RASSF3: variants seen among roughly 807,000 people sequenced by gnomAD.
RASSF3 encodes ras association domain-containing protein 3.
A neutral mutation model predicts 19.9 loss-of-function variants in RASSF3; 19 were observed. The ratio of observed to expected loss-of-function variants is 0.96; its 90% CI spans 0.67 to 1.40. The LOEUF (loss-of-function observed/expected upper bound fraction) is 1.40. Ranked by LOEUF, RASSF3 falls within the 40% of genes most tolerant of loss-of-function variation. RASSF3 has a pLI of 0.00. For synonymous variants in RASSF3, 110 were observed against 104.2 expected (o/e 1.06, Z -0.34); for missense variants, 306 against 289.8 (o/e 1.06, Z -0.41).
chr12:64,571,217 A>G (rs1592404285), intron 2 of RASSF3, among the ~76,000 whole-genome samples: 1 of 152,142 alleles, frequency 6.6e-6, no homozygotes, highest in Non-Finnish European at 1.5e-5. Context: ...ATCTCAAAAA[A>G]ATAAAAATAA....
Position 64,684,887 on chromosome 12 carries a change from T to A in RASSF3, c.212T>A (p.Met71Lys). Residue 71 changes from methionine to lysine, a missense_variant, in exon 2 of 5, where the codon ATG becomes AAG. Met to Lys is a moderately conservative substitution (Grantham distance 95). Transcript: ENST00000542104. ...TTAGCAGTCACAGACAAGTTGAAGATGACCTTGGTAAGCACTCAAAATACT... is the reference window on the plus strand; with the variant it reads ...TTAGCAGTCACAGACAAGTTGAAGAAGACCTTGGTAAGCACTCAAAATACT... ...YNLAVTDKLK[M>K]TLNSNGIYTG... The A allele has an allele frequency of 6.2e-7, 1 of 1,600,632 alleles. No individual in the cohort carries two copies. The highest frequency in any genetic ancestry group is 1.1e-5 in the South Asian group (1 of 90,818).
chr12:64,519,424 T>C (rs189172441), intron 1 of RASSF3, among the ~76,000 whole-genome samples: 5 of 152,082 alleles, frequency 3.3e-5, no homozygotes, highest in East Asian at 1.9e-4. Flanking sequence ...TATATATATA[T>C]ACACTTTTAG....
intron 1 of RASSF3, chr12:64,611,631 C>G (rs955677014): frequency 6.6e-6 from 1 of 152,252 alleles, no homozygotes; most frequent in Non-Finnish European, 1.5e-5. Flanking sequence ...CGGCCACGCT[C>G]ACATCAGATT....
chr12:64,623,685 C>G (rs1024511100), intron 1 of RASSF3, among the ~76,000 whole-genome samples: 2 of 152,116 alleles, frequency 1.3e-5, no homozygotes, highest in Non-Finnish European at 2.9e-5. Flanking sequence ...CTCTGTCACC[C>G]AGGCTGGAGT....
chr12:64,678,510 C>T (rs904800624), intron 1 of RASSF3, among the ~76,000 whole-genome samples: 3 of 152,172 alleles, frequency 2.0e-5, no homozygotes, highest in African/African-American at 7.2e-5. Context: ...TACTGAGTGT[C>T]ATGCCACTGG....
chr12:64,582,642 G>T (rs1336456436), intron 2 of RASSF3, among the ~76,000 whole-genome samples: 1 of 152,118 alleles, frequency 6.6e-6, no homozygotes, highest in Non-Finnish European at 1.5e-5. Flanking sequence ...AAGGAAAGAA[G>T]TTGTGGAGTT....
intron 1 of RASSF3, among the ~76,000 whole-genome samples, chr12:64,618,518 G>A (rs757916116): frequency 3.9e-5 from 6 of 151,992 alleles, no homozygotes; most frequent in Non-Finnish European, 7.4e-5. Context: ...AAGTAGAGAC[G>A]GGGTTATACC....
At chr12:64,633,624 G>A (rs1166871621) in intron 1 of RASSF3, among the ~76,000 whole-genome samples, 1 of 152,084 alleles carries the variant, frequency 6.6e-6, no homozygotes, top group Non-Finnish European at 1.5e-5. Flanking sequence ...AAATTACCTA[G>A]CCTCAGATAC....
chr12:64,689,804 T>TTTTTTTTTTTTTTTTTG (rs11272662), intron 3 of RASSF3, among the ~76,000 whole-genome samples: 1 of 146,316 alleles, frequency 6.8e-6, no homozygotes, highest in African/African-American at 2.5e-5. Context: ...TTTTTTTTTT[T>TTTTTTTTTTTTTTTTTG]GAGACGGAGT....
chr12:64,552,581 G>A (rs1316681109), intron 2 of RASSF3, among the ~76,000 whole-genome samples: 4 of 152,102 alleles, frequency 2.6e-5, no homozygotes, highest in Non-Finnish European at 5.9e-5. Context: ...CTGTGTCCAT[G>A]TGTTCTCATT....
intron 2 of RASSF3, among the ~76,000 whole-genome samples, chr12:64,586,491 G>GAA (rs10708538): frequency 0.061 from 4,273 of 70,178 alleles, 386 homozygotes; most frequent in African/African-American, 0.079. Flanking sequence ...CTCCTTCTCA[G>GAA]AAAAAAAAAA....
chr12:64,545,363 G>T (rs531194095), downstream of RASSF3, among the ~76,000 whole-genome samples: 29 of 152,278 alleles, frequency 1.9e-4, no homozygotes, highest in African/African-American at 6.3e-4. Context: ...TGAGTAACTC[G>T]CATTGTTTTC....
At chr12:64,694,712 TCTAA>T (rs755362677) in intron 4 of RASSF3, 47 bp from the exon 5 acceptor site, 75 of 1,605,164 alleles carry the variant, frequency 4.7e-5, no homozygotes, top group Middle Eastern at 1.6e-4. Flanking sequence ...CATTCCTAAG[TCTAA>T]CTGAGTATTA....
chr12:64,606,644 G>A (rs1282501874), upstream of RASSF3, among the ~76,000 whole-genome samples: 2 of 152,062 alleles, frequency 1.3e-5, no homozygotes, highest in African/African-American at 4.8e-5. Context: ...GTGAAACCCT[G>A]TCTCTACTAA....
At chr12:64,567,005 G>C (rs151286803) in intron 2 of RASSF3, among the ~76,000 whole-genome samples, 108 of 152,344 alleles carry the variant, frequency 7.1e-4, no homozygotes, top group African/African-American at 2.5e-3. Context: ...AAACGCGGTG[G>C]TTCACTGAGG....
intron 1 of RASSF3, among the ~76,000 whole-genome samples, chr12:64,638,098 G>T (rs1485905649): frequency 6.6e-6 from 1 of 151,972 alleles, no homozygotes; most frequent in African/African-American, 2.4e-5. Context: ...CCAAAGTGTT[G>T]GGATTATAGG....
chr12:64,694,125 T>C (rs1048806369), intron 4 of RASSF3, among the ~76,000 whole-genome samples: 2 of 151,432 alleles, frequency 1.3e-5, no homozygotes, highest in African/African-American at 4.9e-5. Context: ...GAGTTTAGAG[T>C]CTTTCAGACA....
chr12:64,533,904 C>T (rs891481976), intron 1 of RASSF3, among the ~76,000 whole-genome samples: 15 of 152,128 alleles, frequency 9.9e-5, no homozygotes, highest in African/African-American at 3.6e-4. Context: ...GGGCTTCCTG[C>T]GGCTTCGGGA....
intron 1 of RASSF3, among the ~76,000 whole-genome samples, chr12:64,614,991 G>A (rs1488940739): frequency 6.6e-6 from 1 of 152,030 alleles, no homozygotes; most frequent in Non-Finnish European, 1.5e-5. Flanking sequence ...GAGCCACCGC[G>A]CCTGGCTGTT....
Sources: gnomAD v4.1 joint callset for allele counts (sites outside exome capture counted in the v4.1 genomes callset) on GRCh38, gnomAD v4.1.1 for gene constraint, MANE v1.5 for transcripts, NCBI Gene and HGNC (gene_info 2026-07-23, HGNC 2026-07-21) for gene names.